Variants in CALCOCO2 observed in about 807,000 individuals in gnomAD.
CALCOCO2 encodes the protein calcium binding and coiled-coil domain 2, also known as calcium-binding and coiled-coil domain-containing protein 2.
In CALCOCO2, 42 loss-of-function variants were observed where a neutral mutation model predicts 62.5. That is an observed-to-expected ratio of 0.67 (90% confidence interval 0.53 to 0.87). The LOEUF is 0.87. Ranked by LOEUF, CALCOCO2 falls within the 40% of genes least tolerant of loss-of-function variation. The probability of loss-of-function intolerance (pLI) is 0.00; values close to 1 mark genes in which losing one functional copy is unlikely to be tolerated. For missense variants in CALCOCO2, 456 were observed against 515.0 expected (o/e 0.89, Z 1.11); for synonymous variants, 167 against 173.0 (o/e 0.97, Z 0.27).
chr17:48,858,026 ATAGAATAGAATAGAATAGAAAATAG>A (rs1356749654), intron 10 of CALCOCO2, among the ~76,000 whole-genome samples: 19 of 16,262 alleles, frequency 1.2e-3, no homozygotes, highest in Non-Finnish European at 3.5e-3. Flanking sequence ...ATAGAATAGA[ATAGAATAGAATAGAATAGAAAATAG>A]AATAGAATAG....
chr17:48,850,341 C>T (rs994507047), intron 5 of CALCOCO2, among the ~76,000 whole-genome samples: 3 of 144,998 alleles, frequency 2.1e-5, no homozygotes, highest in Non-Finnish European at 3.0e-5. Flanking sequence ...CCTGTAATCC[C>T]GGCTACTCAG....
chr17:48,853,122 C>T (rs2040158314), intron 9 of CALCOCO2, 110 bp downstream of exon 9: 2 of 699,158 alleles, frequency 2.9e-6, no homozygotes, highest in South Asian at 1.7e-5. Flanking sequence ...AGAGTGTTCA[C>T]CTCTAGATGT....
intron 1 of CALCOCO2, among the ~76,000 whole-genome samples, chr17:48,838,558 C>T (rs2039929083): frequency 1.3e-5 from 2 of 151,704 alleles, no homozygotes; most frequent in African/African-American, 4.8e-5. Context: ...ACTAAAAATT[C>T]AAAAAACTGG....
intron 1 of CALCOCO2, among the ~76,000 whole-genome samples, chr17:48,836,537 G>T (rs2039893329): frequency 6.6e-6 from 1 of 152,098 alleles, no homozygotes; most frequent in South Asian, 2.1e-4. Context: ...CTTAATCAGT[G>T]ATTACTACAC....
At position 48,864,084 on chromosome 17, in the gene CALCOCO2, T is replaced by TC. The variant is rs2040362827; in HGVS notation, c.*1079_*1080insC. 6.7e-6 allele frequency: 1 copy of TC among 149,904 alleles called. No individual in the cohort carries two copies. The highest frequency in any genetic ancestry group is 2.5e-5 in the African/African-American group (1 of 40,650). The allele number at this position is 149,904 out of a possible 1,614,324, so 9.3% of individuals were successfully genotyped here. On this transcript the variant is annotated 3_prime_UTR_variant, in exon 13 of 13. Coordinates refer to ENST00000258947, the MANE Select transcript of CALCOCO2 (RefSeq NM_005831.5). ...TTTCTTTCTTTTTTTTTTTTTTTTTTTGAAACAGTCTCTCTCTGTCACCCA... is the reference window on the plus strand; with the variant it reads ...TTTCTTTCTTTTTTTTTTTTTTTTTTCTGAAACAGTCTCTCTCTGTCACCCA...
rs111443380 is a variant in CALCOCO2 at position 48,853,203 on chromosome 17, G to A, written c.912+191G>A. 9.1e-6 allele frequency: 5 copies of A among 546,714 alleles called. No homozygotes were observed. The African/African-American group carries it at 9.5e-5, about 10-fold the overall frequency. The allele number at this position is 546,714 out of a possible 1,614,324, so 33.9% of individuals were successfully genotyped here. On this transcript the variant is annotated intron_variant, in intron 9 of 12. Transcript: ENST00000258947. Reference sequence around the variant, plus strand: ...GTTTAGAAGTGGGCATTTCTAATATGTGATAAGTAATAAAGGAATATTGCA... The same window carrying A: ...GTTTAGAAGTGGGCATTTCTAATATATGATAAGTAATAAAGGAATATTGCA...
At position 48,863,169 on chromosome 17, in the gene CALCOCO2, T is replaced by C. The variant is rs1321733522; in HGVS notation, c.*164T>C. 3.3e-6 allele frequency: 2 copies of C among 602,870 alleles called. No homozygotes were observed. Among genetic ancestry groups the C allele is most frequent in the South Asian group, 1.9e-5 (1 of 52,478 alleles). The allele number at this position is 602,870 out of a possible 1,614,324, so 37.3% of individuals were successfully genotyped here. A position where few individuals can be genotyped will look rare whatever the true frequency, so the allele number is the denominator to read the frequency against. ...GTTATGTCACTGATCTGAAGGTCAC[T>C]GTTAAGGGCTTCTGCTGCCATCCTT... On this transcript the variant is annotated 3_prime_UTR_variant, in exon 13 of 13. Transcript: ENST00000258947.
At chr17:48,831,257 C>T (rs1255936417) in intron 1 of CALCOCO2, 179 bp downstream of exon 1, 6 of 152,480 alleles carry the variant, frequency 3.9e-5, no homozygotes, top group African/African-American at 1.4e-4. Context: ...CTCCCGCGGC[C>T]CGGGAGGGTT....
chr17:48,848,191 T>G, intron 3 of CALCOCO2, 25 bp downstream of exon 3: 1 of 1,544,860 alleles, frequency 6.5e-7, no homozygotes, highest in Non-Finnish European at 8.9e-7. Context: ...GGATCAAAGG[T>G]GTTGAAGACA....
chr17:48,853,065 GA>G, intron 9 of CALCOCO2, 53 bp downstream of exon 9: 1 of 1,227,280 alleles, frequency 8.1e-7, no homozygotes, highest in Non-Finnish European at 1.2e-6. Flanking sequence ...GGATGTAGAA[GA>G]AAAGGATATG....
At chr17:48,851,755 T>C (rs2040133438) in intron 7 of CALCOCO2, 127 bp downstream of exon 7, 2 of 676,298 alleles carry the variant, frequency 3.0e-6, no homozygotes, top group South Asian at 3.4e-5. Context: ...AGTATCACAC[T>C]AAAGTTTCAG....
chr17:48,836,426 C>T (rs977770025), intron 1 of CALCOCO2, among the ~76,000 whole-genome samples: 1 of 152,164 alleles, frequency 6.6e-6, no homozygotes, highest in Admixed American at 6.6e-5. Flanking sequence ...CACTCTTAGC[C>T]CCAGAGTCAC....
At chr17:48,860,811 G>A (rs138710367) in intron 11 of CALCOCO2, among the ~76,000 whole-genome samples, 8 of 152,240 alleles carry the variant, frequency 5.3e-5, no homozygotes, top group Non-Finnish European at 1.0e-4. Flanking sequence ...TGCCGCCCAG[G>A]AACTAGCAGT....
chr17:48,852,407 A>C, intron 7 of CALCOCO2, 99 bp from the exon 8 acceptor site: 1 of 1,056,344 alleles, frequency 9.5e-7, no homozygotes, highest in Non-Finnish European at 1.4e-6. Flanking sequence ...GGGAGTTGCT[A>C]GGGAAACACA....
At chr17:48,837,645 A>G (rs1321525154) in intron 1 of CALCOCO2, among the ~76,000 whole-genome samples, 1 of 145,628 alleles carries the variant, frequency 6.9e-6, no homozygotes, top group Non-Finnish European at 1.5e-5. Context: ...AACTCTGTCT[A>G]AAAAAAAAAA....
At chr17:48,860,141 G>C (rs144985081) in intron 10 of CALCOCO2, among the ~76,000 whole-genome samples, 173 bp from the exon 11 acceptor site, 74 of 152,130 alleles carry the variant, frequency 4.9e-4, no homozygotes, top group African/African-American at 1.6e-3. Context: ...TAGATCTTTG[G>C]AATATTGAAA....
chr17:48,861,894 C>T (rs899848835), intron 11 of CALCOCO2, among the ~76,000 whole-genome samples: 1 of 151,174 alleles, frequency 6.6e-6, no homozygotes, highest in Non-Finnish European at 1.5e-5. Context: ...CTAAAACTAC[C>T]AAAAATTAGC....
At chr17:48,858,068 A>ATAGAATAGAG (rs2040269286) in intron 10 of CALCOCO2, among the ~76,000 whole-genome samples, 2 of 148,050 alleles carry the variant, frequency 1.4e-5, no homozygotes, top group Non-Finnish European at 3.0e-5. Flanking sequence ...ATAGAATAGA[A>ATAGAATAGAG]TAGAATTTTA....
intron 10 of CALCOCO2, among the ~76,000 whole-genome samples, chr17:48,859,072 AAGAACT>A (rs2040287774): frequency 6.8e-6 from 1 of 146,906 alleles, no homozygotes; most frequent in Non-Finnish European, 1.5e-5. Flanking sequence ...AAAAAAAAAA[AAGAACT>A]GTAGTAAAGC....
Sources: gnomAD v4.1 joint callset for allele counts (sites outside exome capture counted in the v4.1 genomes callset) on GRCh38, gnomAD v4.1.1 for gene constraint, MANE v1.5 for transcripts, NCBI Gene and HGNC (gene_info 2026-07-23, HGNC 2026-07-21) for gene names.